The following FRMPD4 variants were observed in gnomAD, a reference collection of about 807,000 sequenced individuals.
FRMPD4 encodes FERM and PDZ domain containing 4.
Under a neutral mutation model 94.1 loss-of-function variants are expected in FRMPD4, and 22 were observed. That is an observed-to-expected ratio of 0.23 (90% CI 0.17 to 0.33). The LOEUF (loss-of-function observed/expected upper bound fraction) is 0.33, where lower values mean the gene tolerates loss of function less well. Ranked by LOEUF, FRMPD4 falls within the 10% of genes least tolerant of loss-of-function variation. The pLI, the probability that FRMPD4 is intolerant of heterozygous loss-of-function variation, is 1.00. For missense variants in FRMPD4, 1,111 were observed against 1,339.9 expected, an observed-to-expected ratio of 0.83 and a Z score of 2.67; for synonymous variants, 631 against 548.6, an observed-to-expected ratio of 1.15 and a Z score of -2.10.
chrX:12,360,476 C>T (rs2055968293), intron 1 of FRMPD4, among the ~76,000 whole-genome samples: 1 of 110,949 alleles, frequency 9.0e-6, no homozygotes, highest in Admixed American at 9.5e-5. Context: ...CAAAACTAAA[C>T]ATGTAGGGGG....
chrX:11,944,899 C>A (rs1187549014), intron 3 of FRMPD4, among the ~76,000 whole-genome samples: 1 of 112,456 alleles, frequency 8.9e-6, no homozygotes, highest in African/African-American at 3.2e-5. Context: ...GGAAAGAGAA[C>A]TGGAAAATAA....
chrX:12,138,523 T>A lies in FRMPD4; in HGVS notation c.-449T>A, dbSNP rs368304853. On this transcript the variant is annotated 5_prime_UTR_variant, in exon 1 of 17. Coordinates refer to ENST00000675598, the MANE Select transcript of FRMPD4 (RefSeq NM_001368397.1). The stretch of plus-strand genomic sequence containing the variant: ...GCGCGTGTGCCCAGCTCGCCTGCCG[T>A]CTCCCGGCTCCGTCTGCGCTCCTCG... The A allele has an allele frequency of 4.3e-4, 88 of 206,124 alleles. No individual in the cohort carries two copies. The highest frequency in any genetic ancestry group is 2.4e-3 in the African/African-American group (83 of 33,978). The allele number at this position is 206,124 out of a possible 1,213,427, so 17.0% of individuals were successfully genotyped here. A position where few individuals can be genotyped will look rare whatever the true frequency, so the allele number is the denominator to read the frequency against.
intron 3 of FRMPD4, among the ~76,000 whole-genome samples, chrX:11,993,661 A>G (rs928818088): frequency 3.6e-5 from 4 of 112,609 alleles, no homozygotes; most frequent in African/African-American, 1.3e-4. Flanking sequence ...GTGTTGTATA[A>G]GTCAGGGATC....
chrX:12,047,461 G>A, intron 3 of FRMPD4, among the ~76,000 whole-genome samples: 1 of 111,502 alleles, frequency 9.0e-6, no homozygotes, highest in East Asian at 2.8e-4. Flanking sequence ...AAATTAAAGA[G>A]CGTATATGTG....
intron 1 of FRMPD4, among the ~76,000 whole-genome samples, chrX:12,371,314 T>C (rs1308818685): frequency 8.9e-6 from 1 of 112,650 alleles, no homozygotes; most frequent in Admixed American, 9.4e-5. Context: ...GACCTGACCA[T>C]AGCCCAGCCA....
At chrX:11,961,165 C>A (rs190803929) in intron 3 of FRMPD4, among the ~76,000 whole-genome samples, 321 of 111,930 alleles carry the variant, frequency 2.9e-3, no homozygotes, top group African/African-American at 0.01. Context: ...TACTATGAAA[C>A]CCTGAAGCTG....
chrX:12,348,332 ACT>A (rs1195045428), intron 1 of FRMPD4, among the ~76,000 whole-genome samples: 1 of 104,308 alleles, frequency 9.6e-6, no homozygotes, highest in Non-Finnish European at 1.9e-5. Context: ...AGTAAAGGAA[ACT>A]CTCAGAGAAG....
At chrX:11,828,696 A>C (rs1461120593) in intron 1 of FRMPD4, among the ~76,000 whole-genome samples, 1 of 112,114 alleles carries the variant, frequency 8.9e-6, no homozygotes, top group Non-Finnish European at 1.9e-5. Context: ...GCAAATTTCA[A>C]GAGAACCAGA....
chrX:12,413,047 C>T (rs905725334), intron 1 of FRMPD4, among the ~76,000 whole-genome samples: 16 of 110,869 alleles, frequency 1.4e-4, no homozygotes, highest in African/African-American at 5.3e-4. Context: ...TTGTGCAGCC[C>T]TGGCCACATT....
intron 3 of FRMPD4, among the ~76,000 whole-genome samples, chrX:12,037,332 T>C (rs1463425838): frequency 8.9e-6 from 1 of 111,940 alleles, no homozygotes; most frequent in Non-Finnish European, 1.9e-5. Context: ...TATATAGTTA[T>C]ACAGCTGCCA....
intron 3 of FRMPD4, among the ~76,000 whole-genome samples, chrX:11,974,803 G>A (rs997044387): frequency 1.8e-5 from 2 of 111,611 alleles, no homozygotes; most frequent in African/African-American, 6.5e-5. Flanking sequence ...GGGTCACTGG[G>A]AGAGTCAGCT....
At chrX:11,974,408 G>A in intron 3 of FRMPD4, among the ~76,000 whole-genome samples, 1 of 112,042 alleles carries the variant, frequency 8.9e-6, no homozygotes, top group East Asian at 2.8e-4. Context: ...TGCCATGAGT[G>A]GAAGCAGCCT....
chrX:11,875,271 A>G (rs2053776547), intron 2 of FRMPD4, among the ~76,000 whole-genome samples: 1 of 112,111 alleles, frequency 8.9e-6, no homozygotes, highest in African/African-American at 3.2e-5. Flanking sequence ...ATCCTAGAAA[A>G]TAAGCTCTTT....
rs768810955 is a variant in FRMPD4 at position 12,384,472 on chromosome X, C to T, written c.42-114208C>T. ...GACTGAGGCTGCAGTGAACTGTGAT[C>T]GCACCACTGACCTCCAACCTGAGCG... On this transcript the variant is annotated intron_variant, in intron 1 of 16. Coordinates refer to ENST00000675598, the MANE Select transcript of FRMPD4 (RefSeq NM_001368397.1). 7.2e-5 allele frequency among the ~76,000 whole-genome samples: 8 copies of T among 111,382 alleles called. No individual in the cohort carries two copies. The South Asian group carries it at 1.9e-3, about 27-fold the overall frequency.
chrX:12,579,289 G>A (rs912626445), intron 2 of FRMPD4, among the ~76,000 whole-genome samples: 4 of 112,085 alleles, frequency 3.6e-5, no homozygotes, highest in African/African-American at 1.3e-4. Context: ...TACAACTATT[G>A]TCTCAGACTT....
At chrX:11,838,043 A>G (rs2053511589) in intron 1 of FRMPD4, among the ~76,000 whole-genome samples, 1 of 111,649 alleles carries the variant, frequency 9.0e-6, no homozygotes, top group Non-Finnish European at 1.9e-5. Flanking sequence ...CTATAAGGAT[A>G]TTCACATATT....
chrX:11,868,207 C>A (rs1477722532), intron 2 of FRMPD4, among the ~76,000 whole-genome samples: 2 of 111,884 alleles, frequency 1.8e-5, no homozygotes, highest in Non-Finnish European at 3.8e-5. Flanking sequence ...TCACTTGGGC[C>A]AGTCCCTTTG....
chrX:11,877,678 G>C (rs1302549752), intron 2 of FRMPD4, among the ~76,000 whole-genome samples: 1 of 111,684 alleles, frequency 9.0e-6, no homozygotes, highest in African/African-American at 3.3e-5. Flanking sequence ...TTTACAAAAG[G>C]CAGAGCCACT....
intron 3 of FRMPD4, among the ~76,000 whole-genome samples, chrX:12,039,214 TTTA>T (rs1296440227): frequency 1.0e-4 from 11 of 106,310 alleles, no homozygotes; most frequent in Middle Eastern, 4.7e-3. Flanking sequence ...TATTTATTTA[TTTA>T]TTTTTATTTT....
Sources: allele counts gnomAD v4.1 joint callset (sites outside exome capture counted in the v4.1 genomes callset), GRCh38; gene constraint gnomAD v4.1.1; transcripts MANE v1.5; gene names NCBI Gene and HGNC (gene_info 2026-07-23, HGNC 2026-07-21).